HS6ST3: variants seen among roughly 807,000 people sequenced by gnomAD.
HS6ST3 encodes heparan sulfate 6-O-sulfotransferase 3.
Under a neutral mutation model 36.7 loss-of-function variants are expected in HS6ST3, and 12 were observed. The ratio of observed to expected loss-of-function variants is 0.33; its 90% CI spans 0.21 to 0.53. The LOEUF (loss-of-function observed/expected upper bound fraction) is 0.53, where lower values mean the gene tolerates loss of function less well. Among genes scored for constraint, HS6ST3 ranks in the 20% least tolerant of loss-of-function variants. HS6ST3 has a pLI of 0.95. For missense variants in HS6ST3, 584 were observed against 640.9 expected (o/e 0.91, Z 0.96); for synonymous variants, 240 against 257.5 (o/e 0.93, Z 0.65).
chr13:96,720,454 G>A (rs2138468257), intron 1 of HS6ST3, among the ~76,000 whole-genome samples: 1 of 152,150 alleles, frequency 6.6e-6, no homozygotes, highest in South Asian at 2.1e-4. Context: ...CTTGGGTTTT[G>A]CACTAGCTTT....
intron 1 of HS6ST3, among the ~76,000 whole-genome samples, chr13:96,750,899 A>G (rs931495481): frequency 3.9e-5 from 6 of 152,232 alleles, no homozygotes; most frequent in Non-Finnish European, 8.8e-5. Context: ...TTTGCTTATA[A>G]AAATTACAGT....
At chr13:96,499,772 G>T (rs2055995033) in intron 1 of HS6ST3, among the ~76,000 whole-genome samples, 1 of 152,148 alleles carries the variant, frequency 6.6e-6, no homozygotes. Context: ...TAAAGGAGAA[G>T]CAGAGGGAGA....
chr13:96,620,655 G>A (rs1312922222), intron 1 of HS6ST3, among the ~76,000 whole-genome samples: 2 of 152,168 alleles, frequency 1.3e-5, no homozygotes, highest in Non-Finnish European at 2.9e-5. Context: ...CATTATGCCA[G>A]ATATGTTCTC....
At chr13:96,210,584 C>CTT (rs201409959) in intron 1 of HS6ST3, among the ~76,000 whole-genome samples, 2 of 144,874 alleles carry the variant, frequency 1.4e-5, no homozygotes, top group African/African-American at 2.5e-5. Context: ...TCATTTCTTT[C>CTT]TTTTTTTTTT....
At chr13:96,211,141 A>G (rs2054397114) in intron 1 of HS6ST3, among the ~76,000 whole-genome samples, 1 of 152,168 alleles carries the variant, frequency 6.6e-6, no homozygotes, top group Admixed American at 6.5e-5. Flanking sequence ...CATGTTGGCT[A>G]GGCTGGTCTC....
intron 1 of HS6ST3, among the ~76,000 whole-genome samples, chr13:96,238,329 C>T (rs1277152444): frequency 1.3e-5 from 2 of 152,194 alleles, no homozygotes; most frequent in Admixed American, 1.3e-4. Context: ...TGAACTAACT[C>T]TCCCTGCACC....
intron 1 of HS6ST3, among the ~76,000 whole-genome samples, chr13:96,253,005 G>A (rs2054614854): frequency 6.6e-6 from 1 of 152,024 alleles, no homozygotes; most frequent in South Asian, 2.1e-4. Context: ...TTATAACAAC[G>A]CAAGAACGAC....
At chr13:96,579,005 A>G (rs538445707) in intron 1 of HS6ST3, among the ~76,000 whole-genome samples, 2 of 152,288 alleles carry the variant, frequency 1.3e-5, no homozygotes, top group Admixed American at 6.5e-5. Context: ...TTTGATCGCT[A>G]GAGTTTGCAC....
At chr13:96,218,166 C>T (rs1031378627) in intron 1 of HS6ST3, among the ~76,000 whole-genome samples, 4 of 152,198 alleles carry the variant, frequency 2.6e-5, no homozygotes, top group African/African-American at 4.8e-5. Flanking sequence ...CAGCAATGCT[C>T]CTCACCATCT....
chr13:96,279,734 A>T (rs545820068), intron 1 of HS6ST3, among the ~76,000 whole-genome samples: 2 of 152,252 alleles, frequency 1.3e-5, no homozygotes, highest in East Asian at 3.9e-4. Context: ...TGTCTTTTGC[A>T]CATCACATAA....
At chr13:96,354,515 TA>T (rs1367738895) in intron 1 of HS6ST3, among the ~76,000 whole-genome samples, 5 of 152,126 alleles carry the variant, frequency 3.3e-5, no homozygotes, top group Admixed American at 2.0e-4. Context: ...AATACCTAAT[TA>T]AAAAATCTGT....
intron 1 of HS6ST3, among the ~76,000 whole-genome samples, chr13:96,444,796 G>A (rs1045840205): frequency 6.6e-6 from 1 of 152,126 alleles, no homozygotes; most frequent in African/African-American, 2.4e-5. Flanking sequence ...ATTTCTCTCA[G>A]GATGGTGATG....
intron 1 of HS6ST3, among the ~76,000 whole-genome samples, chr13:96,117,069 T>A (rs1459433333): frequency 6.6e-6 from 1 of 152,178 alleles, no homozygotes. Flanking sequence ...TTTAGCCTAG[T>A]TTTTAGGATT....
intron 1 of HS6ST3, among the ~76,000 whole-genome samples, chr13:96,102,797 C>G (rs1167626658): frequency 6.6e-6 from 1 of 152,168 alleles, no homozygotes; most frequent in African/African-American, 2.4e-5. Flanking sequence ...TGCACTTTCG[C>G]AAGCAAGTCA....
At chr13:96,736,807 G>A (rs1306817727) in intron 1 of HS6ST3, among the ~76,000 whole-genome samples, 1 of 152,124 alleles carries the variant, frequency 6.6e-6, no homozygotes, top group African/African-American at 2.4e-5. Context: ...TTTGGAAACA[G>A]TGAAAAGCAC....
At chr13:96,106,802 A>T (rs962077036) in intron 1 of HS6ST3, among the ~76,000 whole-genome samples, 17 of 152,222 alleles carry the variant, frequency 1.1e-4, no homozygotes, top group Admixed American at 2.6e-4. Context: ...GAGGAAAGGG[A>T]AGGAATGTCG....
chr13:96,526,660 G>C (rs183758055), intron 1 of HS6ST3, among the ~76,000 whole-genome samples: 19 of 152,310 alleles, frequency 1.2e-4, no homozygotes, highest in Admixed American at 3.3e-4. Context: ...AGGGTATTAA[G>C]TTGAACCCTT....
chr13:96,238,165 G>T (rs1369333025), intron 1 of HS6ST3, among the ~76,000 whole-genome samples: 1 of 132,360 alleles, frequency 7.6e-6, no homozygotes, highest in South Asian at 2.3e-4. Flanking sequence ...AAAGAACTCT[G>T]GGGGGTCATC....
chr13:96,711,650 C>G (rs749022117), intron 1 of HS6ST3, among the ~76,000 whole-genome samples: 22 of 152,160 alleles, frequency 1.4e-4, no homozygotes, highest in Non-Finnish European at 2.9e-4. Flanking sequence ...AAGGATGTCT[C>G]TTTATCAAAC....
Sources: allele counts gnomAD v4.1 joint callset (sites outside exome capture counted in the v4.1 genomes callset), GRCh38; gene constraint gnomAD v4.1.1; transcripts MANE v1.5; gene names NCBI Gene and HGNC (gene_info 2026-07-23, HGNC 2026-07-21).